CENPM: variants seen among roughly 807,000 people sequenced by gnomAD.
The protein encoded by CENPM is interphase centromere complex protein 39.
CENPM carries 14 observed loss-of-function variants against 19.6 expected under a neutral mutation model. The observed-to-expected ratio is 0.71, with a 90% CI of 0.47 to 1.11. The LOEUF is 1.11. Ranked by LOEUF, CENPM falls within the 50% of genes most tolerant of loss-of-function variation. The pLI is 0.00. For missense variants in CENPM, 239 were observed against 228.4 expected, an observed-to-expected ratio of 1.05 and a Z score of -0.30; for synonymous variants, 114 against 101.5, an observed-to-expected ratio of 1.12 and a Z score of -0.74.
intron 5 of CENPM, among the ~76,000 whole-genome samples, 155 bp downstream of exon 5, chr22:41,943,455 A>T (rs1206354423): frequency 1.3e-5 from 2 of 152,104 alleles, no homozygotes; most frequent in African/African-American, 2.4e-5. Context: ...TAGAAAAGCC[A>T]CTCAAACCAG....
intron 5 of CENPM, chr22:41,940,342 C>CTT: frequency 1.7e-6 from 1 of 576,950 alleles, no homozygotes; most frequent in South Asian, 2.1e-5. Context: ...CTTTCCAGCA[C>CTT]GTCATTTACC....
chr22:41,943,672 G>C lies in CENPM; in HGVS notation c.340C>G (p.Arg114Gly). The C allele has an allele frequency of 6.2e-7, 1 of 1,613,600 alleles. No individual in the cohort carries two copies. Among genetic ancestry groups the C allele is most frequent in the Non-Finnish European group, 8.5e-7 (1 of 1,179,864 alleles). The change falls in exon 5 of 6, where the codon CGG becomes GGG. Residue 114 changes from arginine to glycine, a missense_variant. By Grantham distance (125) the Arg-to-Gly change is moderately radical. Coordinates refer to ENST00000215980, the MANE Select transcript of CENPM (RefSeq NM_024053.5). The part of the protein sequence containing the change: ...AGRESHCSIH[R>G]HTVVKLAHTY... Reference sequence around the variant, plus strand: ...TGGGCCAGCTTCACCACGGTGTGCCGGTGAATGCTGCAGTGGCTCTCCCGC... The same window carrying C: ...TGGGCCAGCTTCACCACGGTGTGCCCGTGAATGCTGCAGTGGCTCTCCCGC...
chr22:41,945,532 C>G, intron 3 of CENPM: 1 of 811,738 alleles, frequency 1.2e-6, no homozygotes, highest in Non-Finnish European at 1.8e-6. Flanking sequence ...CTCACTGCAA[C>G]CTCTGCCTCC....
At chr22:41,928,459 GCATGGGGTTAAATGCCACA>G in the CENPM span, among the ~76,000 whole-genome samples, 1 of 152,156 alleles carries the variant, frequency 6.6e-6, no homozygotes, top group Non-Finnish European at 1.5e-5. The surrounding 1 kb of genome is among the most constrained non-coding windows in gnomAD (Gnocchi z 4.0). Context: ...TCAGCAGAGA[GCATGGGGTTAAATGCCACA>G]CATGCCACCC....
chr22:41,933,271 A>C, the CENPM span, among the ~76,000 whole-genome samples: 4,225 of 151,788 alleles, frequency 0.028, 92 homozygotes, highest in South Asian at 0.05. Flanking sequence ...GGCTAGAGTA[A>C]AGGGGCCCGC....
At chr22:41,930,171 C>G in the CENPM span, among the ~76,000 whole-genome samples, 1 of 150,616 alleles carries the variant, frequency 6.6e-6, no homozygotes, top group Non-Finnish European at 1.5e-5. Flanking sequence ...TTGATCTCCT[C>G]ACCTCGAGAT....
In CENPM at chr22:41,939,860, GAAAGAAAGAAAGAAAGAAAAAGAA is replaced by G. The variant is rs2077718219; in HGVS notation, c.403-688_403-665del. On this transcript the variant is annotated intron_variant, in intron 5 of 5. Coordinates refer to ENST00000215980, the MANE Select transcript of CENPM (RefSeq NM_024053.5). ...AAAGAAAAAGAAAGAAAGAAAGAAAGAAAGAAAGAAAGAAAGAAAAAGAAAGAAAGAAAGAAAGAAAGAAAGAGC... is the reference window on the plus strand; with the variant it reads ...AAAGAAAAAGAAAGAAAGAAAGAAAGAGAAAGAAAGAAAGAAAGAAAGAGC... Among the ~76,000 whole-genome samples the G allele has an allele frequency of 7.4e-3, 40 of 5,396 alleles. 4 individuals are homozygous for G. Among genetic ancestry groups the G allele is most frequent in the African/African-American group, 0.016 (38 of 2,358 alleles). The allele number at this position is 5,396 out of a possible 152,430, so 3.5% of individuals were successfully genotyped here.
intron 5 of CENPM, among the ~76,000 whole-genome samples, chr22:41,941,137 C>T (rs1270460079): frequency 6.6e-6 from 1 of 152,216 alleles, no homozygotes; most frequent in Non-Finnish European, 1.5e-5. Context: ...TACCAGCAGA[C>T]CTAGGCAATT....
At chr22:41,927,919 G>A in the CENPM span, among the ~76,000 whole-genome samples, 1 of 152,240 alleles carries the variant, frequency 6.6e-6, no homozygotes, top group Non-Finnish European at 1.5e-5. Flanking sequence ...CGTCATCCTG[G>A]AAGGTGGGCC....
downstream of CENPM, among the ~76,000 whole-genome samples, chr22:41,938,153 T>TG (rs1454673887): frequency 6.7e-6 from 1 of 150,012 alleles, no homozygotes; most frequent in African/African-American, 2.5e-5. Context: ...TTTTTTTTTT[T>TG]TTTTTTGAGA....
chr22:41,944,782 A>G, intron 4 of CENPM: 1 of 1,001,600 alleles, frequency 1.0e-6, no homozygotes, highest in Non-Finnish European at 1.2e-6. Flanking sequence ...AAAGTGTTTT[A>G]TGTCTTTAGA....
chr22:41,939,105 A>G lies in CENPM; in HGVS notation c.494T>C (p.Leu165Pro). The G allele has an allele frequency of 6.2e-7, 1 of 1,613,084 alleles. No homozygotes were observed. Among genetic ancestry groups the G allele is most frequent in the Non-Finnish European group, 8.5e-7 (1 of 1,180,004 alleles). Reference sequence around the variant, plus strand: ...CTCAGAGCTTCTCAGCAGGGACAGCAGGTTCAGAGCTGAGACACCGGGCAC... The same window carrying G: ...CTCAGAGCTTCTCAGCAGGGACAGCGGGTTCAGAGCTGAGACACCGGGCAC... ...GHVPGVSALN[L>P]LSLLRSSEGP... The change falls in exon 6 of 6, where the codon CTG (leucine) becomes CCG (proline). Residue 165 changes from leucine to proline, a missense_variant. Coordinates refer to ENST00000215980, the MANE Select transcript of CENPM (RefSeq NM_024053.5).
the CENPM span, among the ~76,000 whole-genome samples, chr22:41,932,759 G>C: frequency 6.6e-6 from 1 of 152,224 alleles, no homozygotes; most frequent in African/African-American, 2.4e-5. The surrounding 1 kb of genome is among the most constrained non-coding windows in gnomAD (Gnocchi z 4.3). Context: ...GGGTAGGCAA[G>C]GGGGAGAGGA....
intron 1 of CENPM, 135 bp downstream of exon 1, chr22:41,946,885 G>A: frequency 1.2e-6 from 1 of 851,538 alleles, no homozygotes; most frequent in Admixed American, 2.1e-5. Flanking sequence ...TCAGAGCATG[G>A]CTCTCCGCCT....
chr22:41,946,721 C>T, intron 1 of CENPM: 1 of 595,230 alleles, frequency 1.7e-6, no homozygotes, highest in Non-Finnish European at 3.0e-6. Context: ...GACCCTCGCT[C>T]CCACCGCCGG....
At chr22:41,946,941 G>C (rs1449957726) in intron 1 of CENPM, 79 bp downstream of exon 1, 2 of 1,453,270 alleles carry the variant, frequency 1.4e-6, no homozygotes, top group East Asian at 4.6e-5. Context: ...TGGCGCCTCA[G>C]AGAGCTCAGT....
At chr22:41,932,564 G>A in the CENPM span, among the ~76,000 whole-genome samples, 315 of 152,332 alleles carry the variant, frequency 2.1e-3, 1 homozygote, top group Middle Eastern at 3.4e-3. This position sits in a 1 kb window ranked among gnomAD's most constrained non-coding sequence, Gnocchi z 4.3. Flanking sequence ...GCGCACACAC[G>A]CGCGCTCCTG....
At chr22:41,946,990 G>T (rs748335473) in intron 1 of CENPM, 30 bp downstream of exon 1, 3 of 1,610,886 alleles carry the variant, frequency 1.9e-6, no homozygotes, top group African/African-American at 1.3e-5. Context: ...AGGAAAAACC[G>T]GCGGGGGAAG....
Position 41,946,043 on chromosome 22 carries a change from AC to A in CENPM, c.138-39del, listed in dbSNP as rs751539059. 5.6e-5 allele frequency: 87 copies of A among 1,543,730 alleles called. No individual in the cohort carries two copies. The Admixed American group carries it at 1.4e-3, about 25-fold the overall frequency. On this transcript the variant is annotated intron_variant, in intron 2 of 5. Coordinates refer to ENST00000215980, the MANE Select transcript of CENPM (RefSeq NM_024053.5). ...AAATTGCAGGACTCAAGATATCCGT[AC>A]CCCCCTCATAGCGACCGTTTAAATG...
Sources: allele counts gnomAD v4.1 joint callset (sites outside exome capture counted in the v4.1 genomes callset), GRCh38; gene constraint gnomAD v4.1.1; non-coding constraint Gnocchi (gnomAD v3.1); transcripts MANE v1.5; gene names NCBI Gene and HGNC (gene_info 2026-07-23, HGNC 2026-07-21).